The following ROR2 variants were observed in gnomAD, a reference collection of about 807,000 sequenced individuals.
The protein encoded by ROR2 is tyrosine-protein kinase transmembrane receptor ROR2.
ROR2 carries 33 observed loss-of-function variants against 74.9 expected under a neutral mutation model. The observed-to-expected ratio is 0.44, with a 90% CI of 0.33 to 0.59. The LOEUF (loss-of-function observed/expected upper bound fraction) is 0.59, where lower values mean the gene tolerates loss of function less well. Among genes scored for constraint, ROR2 ranks in the 20% least tolerant of loss-of-function variants. ROR2 has a pLI of 0.02. For synonymous variants in ROR2, 586 were observed against 558.7 expected, an observed-to-expected ratio of 1.05 and a Z score of -0.69; for missense variants, 1,216 against 1,313.8, an observed-to-expected ratio of 0.93 and a Z score of 1.15.
At chr9:91,757,194 A>T in intron 3 of ROR2, 78 bp downstream of exon 3, 1 of 1,581,166 alleles carries the variant, frequency 6.3e-7, no homozygotes. Flanking sequence ...TTCAGTTTCA[A>T]ATAGCAACTG....
chr9:91,859,197 C>CTT lies in ROR2; in HGVS notation c.98-83381_98-83380dup, dbSNP rs541283275. Reference sequence around the variant, plus strand: ...CAAGAAGGACCATCTGAAAGTATTCCTTTTTTTTTTTTTTTTTTTTTTGAG... The same window carrying CTT: ...CAAGAAGGACCATCTGAAAGTATTCCTTTTTTTTTTTTTTTTTTTTTTTTGAG... On this transcript the variant is annotated intron_variant, in intron 1 of 8. Transcript: ENST00000375708. Among the ~76,000 whole-genome samples, 743 of 121,262 alleles carry CTT rather than the reference C, an allele frequency of 6.1e-3. 30 individuals carry two copies. The highest frequency in any genetic ancestry group is 0.022 in the African/African-American group (612 of 27,826). The allele number at this position is 121,262 out of a possible 152,430, so 79.6% of individuals were successfully genotyped here. A position where few individuals can be genotyped will look rare whatever the true frequency, so the allele number is the denominator to read the frequency against.
At position 91,914,190 on chromosome 9, in the gene ROR2, A is replaced by G. The variant is rs546754333; in HGVS notation, c.97+35677T>C. On this transcript the variant is annotated intron_variant, in intron 1 of 8. Coordinates refer to ENST00000375708, the MANE Select transcript of ROR2 (RefSeq NM_004560.4). ...GTGTGTAAGCTAAGAACTCAAGTAC[A>G]AAGGCGCTTCCCTTCGAGCCACGGG... Among the ~76,000 whole-genome samples, 3 of 152,262 alleles carry G rather than the reference A, an allele frequency of 2.0e-5. No individual in the cohort carries two copies. The East Asian group carries it at 5.8e-4, about 29-fold the overall frequency.
intron 1 of ROR2, among the ~76,000 whole-genome samples, chr9:91,864,262 C>T (rs562131233): frequency 7.2e-5 from 11 of 152,294 alleles, no homozygotes; most frequent in African/African-American, 2.6e-4. Flanking sequence ...AAGAGATCCA[C>T]CTGTTTCCAT....
chr9:91,948,876 GC>G (rs1832086445), intron 1 of ROR2: 1 of 985,432 alleles, frequency 1.0e-6, no homozygotes, highest in African/African-American at 1.7e-5. Context: ...CGAGAATCCG[GC>G]CCGAGGCGCG....
At chr9:91,744,771 G>A (rs1291323851) in intron 4 of ROR2, among the ~76,000 whole-genome samples, 2 of 152,168 alleles carry the variant, frequency 1.3e-5, no homozygotes, top group Admixed American at 1.3e-4. Context: ...ATCACATAAG[G>A]TGGCCAGAGG....
Position 91,909,015 on chromosome 9 carries a change from C to A in ROR2, c.97+40852G>T, listed in dbSNP as rs370518598. Among the ~76,000 whole-genome samples the A allele has an allele frequency of 1.2e-4, 18 of 152,318 alleles. 1 individual carries two copies. Among genetic ancestry groups the A allele is most frequent in the East Asian group, 7.7e-4 (4 of 5,188 alleles). On this transcript the variant is annotated intron_variant, in intron 1 of 8. Transcript: ENST00000375708. ...GGAATTTAAGAAGAAACCACAATGACCCCAAACCTCTTTAATTTGCAAAGC... is the reference window on the plus strand; with the variant it reads ...GGAATTTAAGAAGAAACCACAATGAACCCAAACCTCTTTAATTTGCAAAGC...
At chr9:91,808,649 T>C (rs1238366903) in intron 1 of ROR2, among the ~76,000 whole-genome samples, 1 of 146,848 alleles carries the variant, frequency 6.8e-6, no homozygotes, top group Non-Finnish European at 1.5e-5. Context: ...TTATCATGCA[T>C]TGTAAGTAAG....
At chr9:91,898,591 G>A (rs2119423879) in intron 1 of ROR2, among the ~76,000 whole-genome samples, 1 of 152,310 alleles carries the variant, frequency 6.6e-6, no homozygotes, top group African/African-American at 2.4e-5. Flanking sequence ...CAGCCAGGTG[G>A]CCAGCACAAC....
chr9:91,883,673 G>A (rs899145102), intron 1 of ROR2, among the ~76,000 whole-genome samples: 1 of 152,114 alleles, frequency 6.6e-6, no homozygotes, highest in Admixed American at 6.5e-5. Context: ...ATGGACAAGA[G>A]GCCTTGGAAT....
chr9:91,755,214 C>T (rs1825709114), intron 4 of ROR2, among the ~76,000 whole-genome samples: 2 of 152,150 alleles, frequency 1.3e-5, no homozygotes, highest in Admixed American at 1.3e-4. Context: ...TGAGACAGGT[C>T]GCTGCCCTGC....
intron 1 of ROR2, among the ~76,000 whole-genome samples, chr9:91,855,427 G>A (rs10992136): frequency 0.47 from 71,521 of 152,154 alleles, 19,321 homozygotes; most frequent in African/African-American, 0.73. Context: ...GGCCCTAGGC[G>A]AGGTCGGGAG....
In ROR2 at chr9:91,905,031, G is replaced by A. The variant is rs1476135286; in HGVS notation, c.97+44836C>T. Among the ~76,000 whole-genome samples, 1 of 145,664 alleles carries A rather than the reference G, an allele frequency of 6.9e-6. No homozygotes were observed. Among genetic ancestry groups the A allele is most frequent in the Non-Finnish European group, 1.5e-5 (1 of 66,608 alleles). ...CACAACATATACCACACACAAAAAC[G>A]TAACATATACGCAAACATCACACCA... On this transcript the variant is annotated intron_variant, in intron 1 of 8. Coordinates refer to ENST00000375708, the MANE Select transcript of ROR2 (RefSeq NM_004560.4). The surrounding 1 kb of genome is among the most constrained non-coding windows in gnomAD (Gnocchi z 5.3).
intron 1 of ROR2, among the ~76,000 whole-genome samples, chr9:91,947,142 G>A (rs898831228): frequency 6.6e-6 from 1 of 152,206 alleles, no homozygotes; most frequent in Non-Finnish European, 1.5e-5. Flanking sequence ...CTGCAGAGCA[G>A]TCACCAAAAA....
Position 91,937,029 on chromosome 9 carries a change from CA to C in ROR2, c.97+12837del, listed in dbSNP as rs540672189. Among the ~76,000 whole-genome samples, 148 of 65,648 alleles carry C rather than the reference CA, an allele frequency of 2.3e-3. 2 individuals are homozygous for C. The highest frequency in any genetic ancestry group is 7.8e-3 in the Middle Eastern group (1 of 128). 43.1% of individuals were successfully genotyped at this position (65,648 alleles called of 152,430 possible). The stretch of plus-strand genomic sequence containing the variant: ...TGGGCGACAGAGCGAGACTCCGTCT[CA>C]AAAAAAAAAAAAAAAAAGATTTCCC... On this transcript the variant is annotated intron_variant, in intron 1 of 8. Transcript: ENST00000375708.
At chr9:91,861,773 G>C (rs1416677720) in intron 1 of ROR2, among the ~76,000 whole-genome samples, 1 of 152,194 alleles carries the variant, frequency 6.6e-6, no homozygotes, top group Non-Finnish European at 1.5e-5. Flanking sequence ...AAACTTGTGT[G>C]CTTCAACAGA....
rs34963566 is a variant in ROR2, at chr9:91,830,809, CGTGTGTGTGTGTGTGT to C, written c.98-55007_98-54992del. On this transcript the variant is annotated intron_variant, in intron 1 of 8. Coordinates refer to ENST00000375708, the MANE Select transcript of ROR2 (RefSeq NM_004560.4). ...TTTACCAAAACTAAATAACTGTGTC[CGTGTGTGTGTGTGTGT>C]GTGTGTGTGTGTGTGTGTGTGTGTG... is the stretch of plus-strand genomic sequence containing the variant. 3.6e-3 allele frequency among the ~76,000 whole-genome samples: 496 copies of C among 139,678 alleles called. 8 individuals carry two copies. The highest frequency in any genetic ancestry group is 0.015 in the Admixed American group (214 of 13,830). The allele number at this position is 139,678 out of a possible 152,430, so 91.6% of individuals were successfully genotyped here.
At chr9:91,815,517 A>G (rs984655869) in intron 1 of ROR2, among the ~76,000 whole-genome samples, 2 of 152,268 alleles carry the variant, frequency 1.3e-5, no homozygotes, top group Non-Finnish European at 2.9e-5. Flanking sequence ...GAGGCATTCA[A>G]TCAAGCTCCT....
In ROR2 at chr9:91,831,844, A is replaced by G. The variant is rs1828472632; in HGVS notation, c.98-56026T>C. Among the ~76,000 whole-genome samples, 3 of 152,198 alleles carry G rather than the reference A, an allele frequency of 2.0e-5. 1 individual carries two copies. In the South Asian group the frequency reaches 6.2e-4, roughly 32 times the overall value. ...AATAAAAAAGCAAGGGAAGGACTGCAGACTTCAGCTTGCCCTGCCAGAGGA... is the reference window on the plus strand; with the variant it reads ...AATAAAAAAGCAAGGGAAGGACTGCGGACTTCAGCTTGCCCTGCCAGAGGA... On this transcript the variant is annotated intron_variant, in intron 1 of 8. Transcript: ENST00000375708.
intron 2 of ROR2, among the ~76,000 whole-genome samples, chr9:91,771,964 T>C (rs1213872322): frequency 6.6e-6 from 1 of 152,240 alleles, no homozygotes; most frequent in Non-Finnish European, 1.5e-5. Flanking sequence ...ATATAGTACA[T>C]TCAGCTATGA....
Sources: gnomAD v4.1 joint callset for allele counts (sites outside exome capture counted in the v4.1 genomes callset) on GRCh38, gnomAD v4.1.1 for gene constraint, Gnocchi (gnomAD v3.1) non-coding constraint, MANE v1.5 for transcripts, NCBI Gene and HGNC (gene_info 2026-07-23, HGNC 2026-07-21) for gene names.